Variants in ARHGEF10 observed in about 807,000 individuals in gnomAD.
ARHGEF10 encodes the protein Rho guanine nucleotide exchange factor 10.
Under a neutral mutation model 147.4 loss-of-function variants are expected in ARHGEF10, and 140 were observed. The ratio of observed to expected loss-of-function variants is 0.95; its 90% CI spans 0.83 to 1.09. The LOEUF (loss-of-function observed/expected upper bound fraction) is 1.09. Ranked by LOEUF, ARHGEF10 falls within the 50% of genes least tolerant of loss-of-function variation. ARHGEF10 has a pLI of 0.00. For synonymous variants in ARHGEF10, 902 were observed against 695.8 expected, an observed-to-expected ratio of 1.30 and a Z score of -4.67; for missense variants, 2,222 against 1,752.7, an observed-to-expected ratio of 1.27 and a Z score of -4.78.
chr8:1,867,671 G>A (rs1384001222), intron 6 of ARHGEF10, among the ~76,000 whole-genome samples: 4 of 152,124 alleles, frequency 2.6e-5, no homozygotes, highest in African/African-American at 4.8e-5. Context: ...CGGCTTCAAA[G>A]GCTGAAAGAT....
At chr8:1,931,827 T>C (rs961577021) in intron 25 of ARHGEF10, among the ~76,000 whole-genome samples, 1 of 152,146 alleles carries the variant, frequency 6.6e-6, no homozygotes, top group Non-Finnish European at 1.5e-5. Flanking sequence ...GGCTCTGGCC[T>C]GGGACACATA....
rs999705319 is a variant in ARHGEF10, at chr8:1,941,234, T to G, written c.3223-4247T>G. 7.2e-5 allele frequency among the ~76,000 whole-genome samples: 11 copies of G among 152,328 alleles called. No individual in the cohort carries two copies. In the East Asian group the frequency reaches 2.1e-3, roughly 29 times the overall value. ...TATTCTGAGGAATTCACAGCAAAAC[T>G]ACTAGACTAATAAACAGGTTGAGCA... On this transcript the variant is annotated intron_variant, in intron 26 of 28. Transcript: ENST00000349830.
At position 1,905,624 on chromosome 8, in the gene ARHGEF10, A is replaced by G; in HGVS notation, c.1875A>G (p.Thr625=). 6.2e-7 allele frequency: 1 copy of G among 1,614,252 alleles called. No individual in the cohort carries two copies. Among genetic ancestry groups the G allele is most frequent in the Non-Finnish European group, 8.5e-7 (1 of 1,180,032 alleles). ...YLIRSDDMIE[T]VYNDRGEIVK... is the part of the protein sequence containing the mutation. ...TTCGATCAGATGATATGATAGAAAC[A>G]GTTTACAACGACAGAGGAGAGATTG... The change falls in exon 17 of 29, where the codon ACA becomes ACG. Residue 625 remains threonine, a synonymous_variant. Transcript: ENST00000349830.
At position 1,905,477 on chromosome 8, in the gene ARHGEF10, A is replaced by G. The variant is rs1207588919; in HGVS notation, c.1822-94A>G. ...TTCCGTAAAGCGCTCAGTTTGGAAAAGTCACCCTGAGACTCCATACCAGAC... is the reference window on the plus strand; with the variant it reads ...TTCCGTAAAGCGCTCAGTTTGGAAAGGTCACCCTGAGACTCCATACCAGAC... On this transcript the variant is annotated intron_variant, in intron 16 of 28. Coordinates refer to ENST00000349830, the MANE Select transcript of ARHGEF10 (RefSeq NM_014629.4). 10 of 1,512,280 alleles carry G rather than the reference A, an allele frequency of 6.6e-6. No homozygotes were observed. The East Asian group carries it at 2.3e-4, about 34-fold the overall frequency. 93.7% of individuals were successfully genotyped at this position (1,512,280 alleles called of 1,614,324 possible).
intron 4 of ARHGEF10, among the ~76,000 whole-genome samples, chr8:1,862,779 T>C (rs76193190): frequency 0.01 from 1,023 of 101,156 alleles, 4 homozygotes; most frequent in African/African-American, 0.036. Flanking sequence ...CTTCTTCTTT[T>C]TTTTTTTTTT....
At chr8:1,856,594 C>T in intron 2 of ARHGEF10, among the ~76,000 whole-genome samples, 1 of 152,226 alleles carries the variant, frequency 6.6e-6, no homozygotes, top group East Asian at 1.9e-4. Flanking sequence ...CGCCTGGAGA[C>T]TGCGTGGAGT....
chr8:1,894,350 T>C, intron 12 of ARHGEF10, 43 bp from the exon 13 acceptor site: 1 of 1,611,108 alleles, frequency 6.2e-7, no homozygotes, highest in Non-Finnish European at 8.5e-7. Context: ...ACCCAGGCTC[T>C]GAAAAAGAAA....
At chr8:1,911,062 T>G (rs1239309945) in intron 18 of ARHGEF10, among the ~76,000 whole-genome samples, 1 of 152,218 alleles carries the variant, frequency 6.6e-6, no homozygotes, top group African/African-American at 2.4e-5. Context: ...TATCATTGCA[T>G]TTGCACCCTG....
chr8:1,855,575 A>T (rs1384611994), intron 2 of ARHGEF10, among the ~76,000 whole-genome samples: 1 of 150,456 alleles, frequency 6.6e-6, no homozygotes, highest in Admixed American at 6.6e-5. Context: ...TTTTTTTAAG[A>T]GACGGGGTTT....
intron 2 of ARHGEF10, among the ~76,000 whole-genome samples, chr8:1,852,950 G>A (rs1805257177): frequency 6.6e-6 from 1 of 152,226 alleles, no homozygotes; most frequent in African/African-American, 2.4e-5. Flanking sequence ...AGAGCCTGCA[G>A]TTTTCCTGGG....
At chr8:1,931,297 T>C (rs1813123979) in intron 25 of ARHGEF10, among the ~76,000 whole-genome samples, 1 of 152,244 alleles carries the variant, frequency 6.6e-6, no homozygotes, top group Non-Finnish European at 1.5e-5. Flanking sequence ...GTTTTTCTAA[T>C]TTCTATTAAA....
intron 25 of ARHGEF10, among the ~76,000 whole-genome samples, chr8:1,933,025 AT>A (rs1182087140): frequency 1.4e-4 from 21 of 152,342 alleles, no homozygotes; most frequent in African/African-American, 4.3e-4. Flanking sequence ...CTTGCCTCAA[AT>A]AATTTTTATT....
intron 16 of ARHGEF10, 52 bp from the exon 17 acceptor site, chr8:1,905,519 C>A (rs1381031353): frequency 6.2e-7 from 1 of 1,613,012 alleles, no homozygotes; most frequent in Non-Finnish European, 8.5e-7. Context: ...TCATCTTTTT[C>A]TTTTCCGGGT....
intron 11 of ARHGEF10, among the ~76,000 whole-genome samples, chr8:1,889,869 T>TGAGAAGACACTAGGTGG (rs1563239802): frequency 1.1e-3 from 105 of 92,008 alleles, no homozygotes; most frequent in African/African-American, 4.7e-3. Context: ...ACACTGAGTG[T>TGAGAAGACACTAGGTGG]GGTGAGGGTT....
intron 19 of ARHGEF10, 168 bp from the exon 20 acceptor site, chr8:1,923,300 T>G: frequency 9.2e-7 from 1 of 1,083,710 alleles, no homozygotes; most frequent in Non-Finnish European, 1.4e-6. Flanking sequence ...ATCTTAGAAA[T>G]GTCTCAGCCC....
chr8:1,928,380 G>C, intron 23 of ARHGEF10, 47 bp from the exon 24 acceptor site: 1 of 1,582,864 alleles, frequency 6.3e-7, no homozygotes, highest in Non-Finnish European at 8.7e-7. Flanking sequence ...TATTATGGAA[G>C]CCGCCACATG....
intron 27 of ARHGEF10, 159 bp downstream of exon 27, chr8:1,945,814 G>A: frequency 8.8e-7 from 1 of 1,135,508 alleles, no homozygotes; most frequent in Non-Finnish European, 1.3e-6. Flanking sequence ...GGACAGACGT[G>A]GGAGTACGGA....
chr8:1,927,220 A>T (rs1421921729), intron 23 of ARHGEF10: 1 of 152,990 alleles, frequency 6.5e-6, no homozygotes, highest in African/African-American at 2.4e-5. Context: ...CTTCTAAGAG[A>T]ACTGTTTTCC....
chr8:1,905,569 A>G lies in ARHGEF10; in HGVS notation c.1822-2A>G. ...TCCCTGGGCTGTGTTTTGAATGTCCAGCTTCTCAGCAGTGGAAGCCGATAC... is the reference window on the plus strand; with the variant it reads ...TCCCTGGGCTGTGTTTTGAATGTCCGGCTTCTCAGCAGTGGAAGCCGATAC... On this transcript the variant is annotated splice_acceptor_variant, in intron 16 of 28. Transcript: ENST00000349830. LOFTEE classifies it high-confidence loss of function. The G allele has an allele frequency of 6.2e-7, 1 of 1,614,214 alleles. No homozygotes were observed. Among genetic ancestry groups the G allele is most frequent in the Non-Finnish European group, 8.5e-7 (1 of 1,180,034 alleles).
Sources: gnomAD v4.1 joint callset for allele counts (sites outside exome capture counted in the v4.1 genomes callset) on GRCh38, gnomAD v4.1.1 for gene constraint, MANE v1.5 for transcripts, NCBI Gene and HGNC (gene_info 2026-07-23, HGNC 2026-07-21) for gene names.